The following CRACDL variants were observed in gnomAD, a reference collection of about 807,000 sequenced individuals.
The protein encoded by CRACDL is CRACD like, also known as CRACD-like protein.
A neutral mutation model predicts 70.6 loss-of-function variants in CRACDL; 26 were observed. The observed-to-expected ratio is 0.37, with a 90% CI of 0.27 to 0.51. CRACDL has a LOEUF of 0.51. Among genes scored for constraint, CRACDL ranks in the 20% least tolerant of loss-of-function variants. The pLI is 0.94. For missense variants in CRACDL, 1,283 were observed against 1,376.9 expected (o/e 0.93, Z 1.08); for synonymous variants, 618 against 615.2 (o/e 1.00, Z -0.07).
intron 5 of CRACDL, among the ~76,000 whole-genome samples, chr2:98,831,046 G>A (rs905687213): frequency 3.9e-5 from 6 of 152,178 alleles, no homozygotes; most frequent in African/African-American, 1.4e-4. Flanking sequence ...GTATTTGGAG[G>A]TGTTAAAAGG....
intron 3 of CRACDL, among the ~76,000 whole-genome samples, chr2:98,834,466 G>A (rs1007959549): frequency 1.6e-4 from 24 of 152,188 alleles, no homozygotes; most frequent in African/African-American, 4.8e-4. Context: ...AACAACCACT[G>A]CAGAACAATG....
intron 1 of CRACDL, among the ~76,000 whole-genome samples, chr2:98,908,869 T>C (rs903878749): frequency 2.6e-5 from 4 of 152,220 alleles, no homozygotes; most frequent in African/African-American, 9.6e-5. Flanking sequence ...TCATACCTCA[T>C]CTGTTTTCTC....
chr2:98,825,051 G>A (rs1257899138), intron 6 of CRACDL, among the ~76,000 whole-genome samples: 1 of 152,178 alleles, frequency 6.6e-6, no homozygotes, highest in Non-Finnish European at 1.5e-5. Context: ...CCCATCCTGG[G>A]AGCATTTAGG....
intron 1 of CRACDL, among the ~76,000 whole-genome samples, chr2:98,853,159 C>G (rs1317071450): frequency 6.6e-6 from 1 of 152,052 alleles, no homozygotes; most frequent in Non-Finnish European, 1.5e-5. Context: ...TCCAAGAAAA[C>G]CACAACAAGG....
At chr2:98,842,714 T>C (rs1706083489) in intron 2 of CRACDL, among the ~76,000 whole-genome samples, 1 of 152,226 alleles carries the variant, frequency 6.6e-6, no homozygotes, top group South Asian at 2.1e-4. Context: ...CATTAGAGGC[T>C]CACTCATGTT....
At chr2:98,827,246 C>A in intron 5 of CRACDL, 77 bp from the exon 6 acceptor site, 1 of 992,958 alleles carries the variant, frequency 1.0e-6, no homozygotes, top group South Asian at 1.4e-5. Flanking sequence ...CAACAATGCT[C>A]TTTTCTGCCC....
intron 1 of CRACDL, among the ~76,000 whole-genome samples, chr2:98,908,045 C>T (rs1708458326): frequency 6.6e-6 from 1 of 152,234 alleles, no homozygotes; most frequent in African/African-American, 2.4e-5. Context: ...CAGTTTTCAT[C>T]TCCGACGTCA....
chr2:98,882,695 T>C (rs1021221814), intron 1 of CRACDL, among the ~76,000 whole-genome samples: 1 of 152,158 alleles, frequency 6.6e-6, no homozygotes, highest in Non-Finnish European at 1.5e-5. Flanking sequence ...GAGTCCCAAC[T>C]CATTCCCTGA....
At chr2:98,805,966 C>T (rs111883318) in intron 7 of CRACDL, among the ~76,000 whole-genome samples, 3,385 of 152,344 alleles carry the variant, frequency 0.022, 134 homozygotes, top group African/African-American at 0.077. Context: ...CCTGGTAGCA[C>T]GCTTCTATCA....
chr2:98,896,302 T>C (rs1708123871), intron 1 of CRACDL, among the ~76,000 whole-genome samples: 3 of 152,192 alleles, frequency 2.0e-5, no homozygotes, highest in Admixed American at 1.3e-4. Context: ...GGGGAGAGTT[T>C]TGGACACATG....
chr2:98,919,578 A>T (rs1240306940), intron 1 of CRACDL, among the ~76,000 whole-genome samples: 2 of 152,128 alleles, frequency 1.3e-5, no homozygotes, highest in Admixed American at 1.3e-4. Context: ...TTTATATTTA[A>T]ATTTTAATCC....
chr2:98,836,474 G>A lies in CRACDL; in HGVS notation c.239+1645C>T, dbSNP rs1197614137. On this transcript the variant is annotated intron_variant, in intron 3 of 9. Coordinates refer to ENST00000397899, the MANE Select transcript of CRACDL (RefSeq NM_207362.3). ...GTCACTGAGGGCCAGCTCCCTGCAA[G>A]GTGCTGGGAATATCAAGATAAAAAG... is the stretch of plus-strand genomic sequence containing the variant. Among the ~76,000 whole-genome samples, 5 of 152,172 alleles carry A rather than the reference G, an allele frequency of 3.3e-5. No individual in the cohort carries two copies. In the East Asian group the frequency reaches 9.6e-4, roughly 29 times the overall value.
chr2:98,882,459 G>A (rs1347292626), intron 1 of CRACDL, among the ~76,000 whole-genome samples: 1 of 152,206 alleles, frequency 6.6e-6, no homozygotes, highest in Admixed American at 6.5e-5. Context: ...TTTCAGAATT[G>A]TTGCAAGAGA....
chr2:98,915,964 C>T (rs1358891651), intron 1 of CRACDL, among the ~76,000 whole-genome samples: 4 of 152,142 alleles, frequency 2.6e-5, no homozygotes, highest in East Asian at 1.9e-4. Context: ...CTGGGCTGGC[C>T]GGGCCATTGC....
chr2:98,821,545 T>A (rs1705027790), intron 7 of CRACDL, among the ~76,000 whole-genome samples: 1 of 152,158 alleles, frequency 6.6e-6, no homozygotes, highest in Non-Finnish European at 1.5e-5. Flanking sequence ...AAGAATTGCC[T>A]TGGGCCACAC....
At chr2:98,913,875 C>T (rs1005559976) in intron 1 of CRACDL, among the ~76,000 whole-genome samples, 1 of 152,172 alleles carries the variant, frequency 6.6e-6, no homozygotes, top group Non-Finnish European at 1.5e-5. Flanking sequence ...GGTGATCCTG[C>T]AGCAACCCAG....
At chr2:98,909,538 G>T (rs1189554047) in intron 1 of CRACDL, among the ~76,000 whole-genome samples, 1 of 152,178 alleles carries the variant, frequency 6.6e-6, no homozygotes. Context: ...AAATCTGTGG[G>T]TGCAAACAAA....
intron 1 of CRACDL, among the ~76,000 whole-genome samples, chr2:98,896,556 T>C (rs563439566): frequency 2.4e-4 from 37 of 152,298 alleles, no homozygotes; most frequent in African/African-American, 8.7e-4. Context: ...GAAACCAGAC[T>C]GTGACCTTCA....
chr2:98,832,340 G>A lies in CRACDL; in HGVS notation c.540+8C>T, dbSNP rs200954304. 6.9e-5 allele frequency: 111 copies of A among 1,614,020 alleles called. 1 individual carries two copies. The South Asian group carries it at 1.1e-3, about 15-fold the overall frequency. ...ATGAAGACATGCAGTGGTACAGGCC[G>A]CACTTGCCTTTATGGTGGTACCAGG... On this transcript the variant is annotated splice_region_variant and intron_variant, in intron 5 of 9. Coordinates refer to ENST00000397899, the MANE Select transcript of CRACDL (RefSeq NM_207362.3).
Sources: gnomAD v4.1 joint callset for allele counts (sites outside exome capture counted in the v4.1 genomes callset) on GRCh38, gnomAD v4.1.1 for gene constraint, MANE v1.5 for transcripts, NCBI Gene and HGNC (gene_info 2026-07-23, HGNC 2026-07-21) for gene names.